UBAC2: variants seen among roughly 807,000 people sequenced by gnomAD.
UBAC2 encodes the protein UBA domain containing 2.
Under a neutral mutation model 44.0 loss-of-function variants are expected in UBAC2, and 26 were observed. That is an observed-to-expected ratio of 0.59 (90% CI 0.43 to 0.82). The LOEUF (loss-of-function observed/expected upper bound fraction) is 0.82, where lower values mean the gene tolerates loss of function less well. Among genes scored for constraint, UBAC2 ranks in the 40% least tolerant of loss-of-function variants. The probability of loss-of-function intolerance (pLI) is 0.00; values close to 1 mark genes in which losing one functional copy is unlikely to be tolerated. For synonymous variants in UBAC2, 155 were observed against 154.3 expected, an observed-to-expected ratio of 1.00 and a Z score of -0.04; for missense variants, 329 against 419.4, an observed-to-expected ratio of 0.78 and a Z score of 1.88.
At chr13:99,307,691 G>A (rs1923891) in intron 4 of UBAC2, among the ~76,000 whole-genome samples, 10,434 of 152,150 alleles carry the variant, frequency 0.069, 496 homozygotes, top group East Asian at 0.13. Flanking sequence ...GAAAGAGACT[G>A]AAGCAATAAA....
intron 4 of UBAC2, among the ~76,000 whole-genome samples, chr13:99,303,902 T>G (rs1399308421): frequency 6.6e-6 from 1 of 152,136 alleles, no homozygotes; most frequent in African/African-American, 2.4e-5. Flanking sequence ...GACTCCGTGT[T>G]CTCCCTCACC....
intron 4 of UBAC2, among the ~76,000 whole-genome samples, chr13:99,276,035 T>G (rs1430461665): frequency 1.3e-5 from 2 of 152,162 alleles, no homozygotes; most frequent in African/African-American, 4.8e-5. Context: ...AAATTTTGAT[T>G]TTTAGTATTG....
chr13:99,315,718 A>T (rs1460942301), intron 5 of UBAC2, among the ~76,000 whole-genome samples: 1 of 152,190 alleles, frequency 6.6e-6, no homozygotes. Flanking sequence ...AACAGATAAT[A>T]AGAGTTAAGT....
chr13:99,244,395 G>A (rs1221461771), intron 3 of UBAC2, 120 bp from the exon 4 acceptor site: 4 of 653,972 alleles, frequency 6.1e-6, no homozygotes, highest in Non-Finnish European at 8.0e-6. Flanking sequence ...ATGCATGTGT[G>A]TATATACACA....
chr13:99,314,316 G>GT (rs976061676), intron 5 of UBAC2, 96 bp downstream of exon 5: 34 of 1,370,510 alleles, frequency 2.5e-5, no homozygotes, highest in South Asian at 2.3e-4. Context: ...GAAAACAATG[G>GT]TTTTTTTCCC....
intron 7 of UBAC2, chr13:99,351,791 A>T (rs1308244660): frequency 2.2e-6 from 1 of 456,624 alleles, no homozygotes; most frequent in Non-Finnish European, 4.4e-6. Flanking sequence ...AGCAAAGCCC[A>T]GGAGTCCTTG....
intron 4 of UBAC2, among the ~76,000 whole-genome samples, chr13:99,272,291 A>C (rs1214818442): frequency 6.6e-6 from 1 of 152,182 alleles, no homozygotes; most frequent in Admixed American, 6.5e-5. Flanking sequence ...ATTTTTAAGC[A>C]TGTATAAGAA....
intron 7 of UBAC2, among the ~76,000 whole-genome samples, chr13:99,362,171 C>A (rs1443751284): frequency 6.6e-6 from 1 of 151,900 alleles, no homozygotes; most frequent in Non-Finnish European, 1.5e-5. Context: ...TTTATTTGTT[C>A]ATTAAACATT....
At chr13:99,291,660 G>A (rs767790336) in intron 4 of UBAC2, among the ~76,000 whole-genome samples, 6 of 152,088 alleles carry the variant, frequency 3.9e-5, no homozygotes, top group Admixed American at 2.6e-4. Flanking sequence ...GCTAATTAGC[G>A]CTCTCCTTTA....
intron 4 of UBAC2, among the ~76,000 whole-genome samples, chr13:99,253,334 T>C (rs1594050496): frequency 6.6e-6 from 1 of 152,170 alleles, no homozygotes; most frequent in African/African-American, 2.4e-5. Context: ...GTGTGGTTCT[T>C]GAGCTGAGCA....
intron 4 of UBAC2, among the ~76,000 whole-genome samples, chr13:99,261,064 C>T (rs1366790131): frequency 6.6e-6 from 1 of 152,226 alleles, no homozygotes; most frequent in Non-Finnish European, 1.5e-5. Context: ...CTATGTTAGA[C>T]ATTTGTCTAT....
intron 4 of UBAC2, among the ~76,000 whole-genome samples, chr13:99,274,721 CTTT>C (rs759649634): frequency 4.5e-5 from 6 of 133,704 alleles, no homozygotes; most frequent in African/African-American, 2.7e-5. Flanking sequence ...CTTTTCTTTT[CTTT>C]TTTTTTTTTT....
At chr13:99,260,557 C>T (rs1010708169) in intron 4 of UBAC2, among the ~76,000 whole-genome samples, 2 of 152,202 alleles carry the variant, frequency 1.3e-5, no homozygotes, top group Admixed American at 6.5e-5. Context: ...CATTGACCCC[C>T]GTTCGCTGTG....
chr13:99,382,753 G>A (rs1000531870), intron 8 of UBAC2, among the ~76,000 whole-genome samples: 2 of 152,174 alleles, frequency 1.3e-5, no homozygotes, highest in Non-Finnish European at 2.9e-5. Context: ...GGGCAATGAG[G>A]ACTTCGCTCT....
At chr13:99,226,838 C>T (rs2043115498) in intron 1 of UBAC2, among the ~76,000 whole-genome samples, 1 of 152,152 alleles carries the variant, frequency 6.6e-6, no homozygotes, top group African/African-American at 2.4e-5. Context: ...TCTGCAAGGC[C>T]TACATCTTCA....
chr13:99,214,618 C>T (rs146692266), intron 1 of UBAC2, among the ~76,000 whole-genome samples: 46 of 152,172 alleles, frequency 3.0e-4, no homozygotes, highest in East Asian at 2.9e-3. Flanking sequence ...CCTCCTTGTC[C>T]GTTCCCCGTC....
chr13:99,314,637 G>T, intron 5 of UBAC2: 1 of 154,454 alleles, frequency 6.5e-6, no homozygotes, highest in South Asian at 2.0e-4. Flanking sequence ...GAAACCCGGT[G>T]TGCTCTACCA....
intron 5 of UBAC2, among the ~76,000 whole-genome samples, chr13:99,315,328 C>T (rs570883981): frequency 5.9e-5 from 9 of 152,244 alleles, no homozygotes; most frequent in South Asian, 2.1e-4. Flanking sequence ...ATGTGGAATT[C>T]GAAGAGCACT....
chr13:99,243,030 G>T (rs7993615), intron 2 of UBAC2, among the ~76,000 whole-genome samples: 84,267 of 151,502 alleles, frequency 0.56, 25,658 homozygotes, highest in Non-Finnish European at 0.71. Context: ...TTCCAGACTG[G>T]GCAGCCAGCA....
Sources: allele counts gnomAD v4.1 joint callset (sites outside exome capture counted in the v4.1 genomes callset), GRCh38; gene constraint gnomAD v4.1.1; transcripts MANE v1.5; gene names NCBI Gene and HGNC (gene_info 2026-07-23, HGNC 2026-07-21).